The following SETBP1 variants were observed in gnomAD, a reference collection of about 807,000 sequenced individuals.
The protein encoded by SETBP1 is SET-binding protein.
SETBP1 carries 9 observed loss-of-function variants against 101.0 expected under a neutral mutation model. The observed-to-expected ratio is 0.09, with a 90% confidence interval of 0.05 to 0.16. The LOEUF is 0.16. Among genes scored for constraint, SETBP1 ranks in the 10% least tolerant of loss-of-function variants. The probability of loss-of-function intolerance (pLI) is 1.00; values close to 1 mark genes in which losing one functional copy is unlikely to be tolerated. For missense variants in SETBP1, 1,858 were observed against 2,033.8 expected (o/e 0.91, Z 1.66); for synonymous variants, 818 against 788.5 (o/e 1.04, Z -0.63).
At chr18:44,775,080 G>A (rs901407031) in intron 2 of SETBP1, among the ~76,000 whole-genome samples, 12 of 152,094 alleles carry the variant, frequency 7.9e-5, no homozygotes, top group African/African-American at 2.7e-4. Flanking sequence ...AATGCACCTT[G>A]CATTGCTACT....
At chr18:44,964,360 G>A (rs1018149728) in intron 4 of SETBP1, among the ~76,000 whole-genome samples, 68 of 152,246 alleles carry the variant, frequency 4.5e-4, no homozygotes, top group African/African-American at 1.6e-3. Flanking sequence ...GGCAACAGGA[G>A]TTTGAAACCA....
At chr18:44,936,212 G>A (rs2070952549) in intron 3 of SETBP1, among the ~76,000 whole-genome samples, 1 of 152,208 alleles carries the variant, frequency 6.6e-6, no homozygotes, top group African/African-American at 2.4e-5. Context: ...ACCTTCAGAT[G>A]CCTGAGCAGG....
chr18:44,912,883 A>G (rs1045946167), intron 3 of SETBP1, among the ~76,000 whole-genome samples: 1 of 152,058 alleles, frequency 6.6e-6, no homozygotes, highest in African/African-American at 2.4e-5. Flanking sequence ...ATAACCAAGG[A>G]TGCAGTGGGG....
chr18:44,700,556 T>G (rs1415953241), intron 1 of SETBP1, among the ~76,000 whole-genome samples: 1 of 152,226 alleles, frequency 6.6e-6, no homozygotes. Flanking sequence ...TTATTTTCTT[T>G]TTGTGTGCCT....
At chr18:44,779,259 C>T (rs1454816855) in intron 2 of SETBP1, among the ~76,000 whole-genome samples, 1 of 152,130 alleles carries the variant, frequency 6.6e-6, no homozygotes, top group African/African-American at 2.4e-5. Context: ...ATATACACTG[C>T]ATCATCATCT....
intron 4 of SETBP1, among the ~76,000 whole-genome samples, chr18:44,995,880 C>T (rs2145309864): frequency 6.6e-6 from 1 of 152,306 alleles, no homozygotes; most frequent in African/African-American, 2.4e-5. Flanking sequence ...CTAAACACTT[C>T]CCATTAGGCC....
At chr18:44,906,012 G>C (rs2070166492) in intron 3 of SETBP1, among the ~76,000 whole-genome samples, 1 of 152,112 alleles carries the variant, frequency 6.6e-6, no homozygotes, top group African/African-American at 2.4e-5. Flanking sequence ...ATCACCTATT[G>C]GGCACCCTTT....
chr18:44,907,049 C>T (rs1427366329), intron 3 of SETBP1, among the ~76,000 whole-genome samples: 1 of 152,172 alleles, frequency 6.6e-6, no homozygotes, highest in Non-Finnish European at 1.5e-5. Flanking sequence ...TTCCTGGCAA[C>T]TACTAACTTA....
At chr18:44,691,601 A>G (rs1000071935) in intron 1 of SETBP1, among the ~76,000 whole-genome samples, 1 of 152,176 alleles carries the variant, frequency 6.6e-6, no homozygotes, top group Non-Finnish European at 1.5e-5. Context: ...AATGGATAGT[A>G]TGTCAGACCT....
chr18:44,905,750 T>G (rs910776244), intron 3 of SETBP1, among the ~76,000 whole-genome samples: 3 of 152,218 alleles, frequency 2.0e-5, no homozygotes, highest in Non-Finnish European at 4.4e-5. Context: ...CAGAAGTGAC[T>G]GTGTCACAGC....
intron 2 of SETBP1, among the ~76,000 whole-genome samples, chr18:44,849,601 G>A (rs921913679): frequency 3.3e-5 from 5 of 152,060 alleles, no homozygotes; most frequent in Admixed American, 6.6e-5. Context: ...CATCCGTGAC[G>A]CCCTCTCTGA....
At position 44,951,161 on chromosome 18, in the gene SETBP1, C is replaced by G. The variant is rs1162672291; in HGVS notation, c.1821C>G (p.Thr607=). 6.2e-7 allele frequency: 1 copy of G among 1,614,138 alleles called. No homozygotes were observed. The highest frequency in any genetic ancestry group is 1.1e-5 in the South Asian group (1 of 91,072). Residue 607 remains threonine (T), a synonymous_variant, in exon 4 of 6, where the codon ACC becomes ACG. Transcript: ENST00000649279. This position sits in a 1 kb window ranked among gnomAD's most constrained non-coding sequence, Gnocchi z 7.8. ...TVETIHEGTS[T]SPVSPISREF... ...AGACGATTCATGAGGGAACTTCCAC[C>G]AGCCCCGTCAGTCCCATCAGCCGAG...
At chr18:45,038,107 T>C (rs1484649609) in intron 4 of SETBP1, among the ~76,000 whole-genome samples, 1 of 152,168 alleles carries the variant, frequency 6.6e-6, no homozygotes, top group East Asian at 1.9e-4. Context: ...GAAGTCTTAC[T>C]AGGGTGGGAG....
At position 44,866,383 on chromosome 18, in the gene SETBP1, G is replaced by T. The variant is rs1166566756; in HGVS notation, c.487-2847G>T. Among the ~76,000 whole-genome samples the T allele has an allele frequency of 2.0e-5, 3 of 152,260 alleles. No homozygotes were observed. In the East Asian group the frequency reaches 5.8e-4, roughly 29 times the overall value. ...TAGGCTCAGCAATTTAGGTATTCTG[G>T]TCCTCACCTCTGGGCTGACAATATT... On this transcript the variant is annotated intron_variant, in intron 2 of 5. Transcript: ENST00000649279.
At chr18:44,723,501 C>T (rs1048901316) in intron 2 of SETBP1, among the ~76,000 whole-genome samples, 9 of 151,820 alleles carry the variant, frequency 5.9e-5, no homozygotes, top group South Asian at 2.1e-4. Context: ...CGACAGTCGG[C>T]GGGGGGAAAA....
At chr18:45,053,534 G>A (rs894917667) in intron 5 of SETBP1, among the ~76,000 whole-genome samples, 1 of 152,152 alleles carries the variant, frequency 6.6e-6, no homozygotes, top group Non-Finnish European at 1.5e-5. Flanking sequence ...TTCTTCTAAT[G>A]TCCTGGTCAA....
intron 4 of SETBP1, among the ~76,000 whole-genome samples, chr18:44,968,114 G>A (rs2071759892): frequency 6.6e-6 from 1 of 152,150 alleles, no homozygotes; most frequent in Non-Finnish European, 1.5e-5. Flanking sequence ...GCTCCATGAA[G>A]GAGATGGTAC....
Position 44,952,245 on chromosome 18 carries a change from A to C in SETBP1, c.2905A>C (p.Ile969Leu). ...ELITKFQVFR[I>L]SHRSYTFYHE... ...AATCACCAAGTTCCAAGTGTTCAGA[A>C]TCTCCCACCGGAGTTACACCTTCTA... Residue 969 changes from isoleucine (I) to leucine (L), a missense_variant, in exon 4 of 6, where the codon ATC (isoleucine) becomes CTC (leucine). By Grantham distance (5) the Ile-to-Leu change is conservative. This residue lies in a region of SETBP1 where 255 missense variants were observed against 300.1 expected (regional missense o/e 0.85). Coordinates refer to ENST00000649279, the MANE Select transcript of SETBP1 (RefSeq NM_015559.3). The C allele has an allele frequency of 6.2e-7, 1 of 1,613,934 alleles. No individual in the cohort carries two copies. The highest frequency in any genetic ancestry group is 8.5e-7 in the Non-Finnish European group (1 of 1,179,978).
chr18:44,935,026 G>A (rs574145021), intron 3 of SETBP1, among the ~76,000 whole-genome samples: 11 of 152,306 alleles, frequency 7.2e-5, no homozygotes, highest in Admixed American at 5.2e-4. Flanking sequence ...GAAGCCATCA[G>A]GACATGAACT....
Sources: gnomAD v4.1 joint callset for allele counts (sites outside exome capture counted in the v4.1 genomes callset) on GRCh38, gnomAD v4.1.1 for gene constraint, gnomAD v4.1.1 regional missense constraint, Gnocchi (gnomAD v3.1) non-coding constraint, MANE v1.5 for transcripts, NCBI Gene and HGNC (gene_info 2026-07-23, HGNC 2026-07-21) for gene names.